TCTN2: variants seen among roughly 807,000 people sequenced by gnomAD.
The protein encoded by TCTN2 is tectonic-2.
In TCTN2, 66 loss-of-function variants were observed where a neutral mutation model predicts 83.4. That is an observed-to-expected ratio of 0.79 (90% CI 0.65 to 0.97). TCTN2 has a LOEUF of 0.97. Ranked by LOEUF, TCTN2 falls within the 50% of genes least tolerant of loss-of-function variation. The probability of loss-of-function intolerance (pLI) is 0.00; values close to 1 mark genes in which losing one functional copy is unlikely to be tolerated. For synonymous variants in TCTN2, 301 were observed against 326.7 expected (o/e 0.92, Z 0.85); for missense variants, 794 against 858.1 (o/e 0.93, Z 0.93).
In TCTN2 at chr12:123,708,003, C is replaced by T. The variant is rs886531596; in HGVS notation, c.*290C>T. 14 of 328,654 alleles carry T rather than the reference C, an allele frequency of 4.3e-5. No individual in the cohort carries two copies. Among genetic ancestry groups the T allele is most frequent in the South Asian group, 7.0e-5 (2 of 28,558 alleles). 20.4% of individuals were successfully genotyped at this position (328,654 alleles called of 1,614,324 possible). A position where few individuals can be genotyped will look rare whatever the true frequency, so the allele number is the denominator to read the frequency against. The stretch of plus-strand genomic sequence containing the variant: ...GATTACAGGCATGAGCCACCGCACC[C>T]GGCCTTTTTTTTTTTTTTTTTTTTT... On this transcript the variant is annotated 3_prime_UTR_variant, in exon 18 of 18. Coordinates refer to ENST00000303372, the MANE Select transcript of TCTN2 (RefSeq NM_024809.5).
intron 4 of TCTN2, among the ~76,000 whole-genome samples, chr12:123,677,751 TC>T: frequency 6.6e-6 from 1 of 152,166 alleles, no homozygotes; most frequent in South Asian, 2.1e-4. Flanking sequence ...CCCTCTGTCT[TC>T]CACCTACAGC....
At chr12:123,700,120 T>A in intron 14 of TCTN2, 1 of 444,766 alleles carries the variant, frequency 2.2e-6, no homozygotes, top group Admixed American at 3.4e-5. Flanking sequence ...CAAGGGATCC[T>A]CCCGCCTCAG....
intron 15 of TCTN2, 141 bp downstream of exon 15, chr12:123,704,829 A>G (rs1481471451): frequency 2.3e-6 from 2 of 884,082 alleles, no homozygotes; most frequent in African/African-American, 1.7e-5. Context: ...ATATGCACAT[A>G]TGGAATATGT....
intron 4 of TCTN2, among the ~76,000 whole-genome samples, chr12:123,674,655 A>G (rs1422636154): frequency 1.3e-5 from 2 of 152,138 alleles, no homozygotes; most frequent in Admixed American, 1.3e-4. Context: ...GTGCTTTGGG[A>G]GGCCAAGGCG....
intron 16 of TCTN2, 36 bp from the exon 17 acceptor site, chr12:123,706,949 C>T (rs1334301724): frequency 1.2e-6 from 2 of 1,612,966 alleles, no homozygotes; most frequent in African/African-American, 2.7e-5. Context: ...ATACTTCTCA[C>T]TTGTAGTTTT....
At chr12:123,673,931 A>G (rs1362689087) in intron 4 of TCTN2, 121 bp downstream of exon 4, 7 of 889,430 alleles carry the variant, frequency 7.9e-6, no homozygotes, top group Non-Finnish European at 1.3e-5. Context: ...CGGGAGGTTA[A>G]TGCTACAAAT....
At chr12:123,685,193 A>G (rs536316834) in intron 5 of TCTN2, among the ~76,000 whole-genome samples, 19 of 152,136 alleles carry the variant, frequency 1.2e-4, no homozygotes, top group African/African-American at 4.3e-4. Flanking sequence ...GCTGTGTGCT[A>G]CAGTACCAGC....
At chr12:123,676,296 C>T (rs1014642514) in intron 4 of TCTN2, among the ~76,000 whole-genome samples, 5 of 150,932 alleles carry the variant, frequency 3.3e-5, no homozygotes, top group Admixed American at 2.0e-4. Context: ...AGACCGGGCG[C>T]GGTGGCTCAC....
At position 123,704,669 on chromosome 12, in the gene TCTN2, A is replaced by C; in HGVS notation, c.1750A>C (p.Ile584Leu). Residue 584 changes from isoleucine (I) to leucine (L), a missense_variant, in exon 15 of 18, where the codon ATA becomes CTA. By Grantham distance (5) the Ile-to-Leu change is conservative. Coordinates refer to ENST00000303372, the MANE Select transcript of TCTN2 (RefSeq NM_024809.5). ...GGTGGAAGGGATTACTCAGCAGGAG[A>C]TACTCGGTGTAGAGACAAGGTATGA... Reference protein sequence around the residue: ...GAVEGITQQEILGVETRFSSV... With the variant: ...GAVEGITQQELLGVETRFSSV... 6.2e-7 allele frequency: 1 copy of C among 1,613,476 alleles called. No individual in the cohort carries two copies. The highest frequency in any genetic ancestry group is 1.1e-5 in the South Asian group (1 of 91,050).
intron 4 of TCTN2, 98 bp downstream of exon 4, chr12:123,673,908 TAAATGAGCTGCCCGGGAGGTTAATGCTAC>T: frequency 8.5e-7 from 1 of 1,171,652 alleles, no homozygotes; most frequent in South Asian, 1.3e-5. Flanking sequence ...GTTGATGCTA[TAAATGAGCTGCCCGGGAGGTTAATGCTAC>T]AAATGAGCTG....
chr12:123,696,753 C>G, intron 12 of TCTN2: 1 of 542,872 alleles, frequency 1.8e-6, no homozygotes, highest in Non-Finnish European at 3.3e-6. Context: ...GCTTGAGAGT[C>G]CCATGTTATT....
At chr12:123,700,038 G>T (rs983747992) in intron 14 of TCTN2, 5 of 585,446 alleles carry the variant, frequency 8.5e-6, no homozygotes, top group Admixed American at 8.0e-5. Context: ...TTGAGACAGG[G>T]TTTCATTCTG....
chr12:123,697,538 C>T (rs1294056943), intron 13 of TCTN2, among the ~76,000 whole-genome samples: 1 of 152,136 alleles, frequency 6.6e-6, no homozygotes, highest in African/African-American at 2.4e-5. Context: ...CTCACTTTGT[C>T]ACCTAGGCTG....
Position 123,671,633 on chromosome 12 carries a change from T to C in TCTN2, c.190+19T>C. Reference sequence around the variant, plus strand: ...GAGGCGGGTAAAGTCCGGCCCTCTTTTGGGGAGGGTGGGGGTTGGACTGGA... The same window carrying C: ...GAGGCGGGTAAAGTCCGGCCCTCTTCTGGGGAGGGTGGGGGTTGGACTGGA... On this transcript the variant is annotated intron_variant, in intron 2 of 17. Coordinates refer to ENST00000303372, the MANE Select transcript of TCTN2 (RefSeq NM_024809.5). The C allele has an allele frequency of 6.2e-7, 1 of 1,602,676 alleles. No homozygotes were observed. Among genetic ancestry groups the C allele is most frequent in the Non-Finnish European group, 8.5e-7 (1 of 1,175,042 alleles).
At chr12:123,698,112 A>G (rs7397230) in intron 13 of TCTN2, among the ~76,000 whole-genome samples, 54,470 of 151,586 alleles carry the variant, frequency 0.36, 10,251 homozygotes, top group African/African-American at 0.41. Flanking sequence ...GCATAATCTC[A>G]GCTCACTGCA....
At position 123,691,232 on chromosome 12, in the gene TCTN2, C is replaced by T. The variant is rs75233839; in HGVS notation, c.1033+558C>T. ...AGTACCTTCCACACTGTTGTGCCAC[C>T]ATCACCTCTCTCTAGTTCCAGAACG... On this transcript the variant is annotated intron_variant, in intron 8 of 17. Transcript: ENST00000303372. Among the ~76,000 whole-genome samples, 520 of 152,230 alleles carry T rather than the reference C, an allele frequency of 3.4e-3. 2 individuals carry two copies. Among genetic ancestry groups the T allele is most frequent in the African/African-American group, 0.012 (506 of 41,536 alleles).
In TCTN2 at chr12:123,707,679, A is replaced by G; in HGVS notation, c.2060A>G (p.Asn687Ser). ...LFLTLALFLSNPWTRICKAYS is the reference protein window; with the variant it reads ...LFLTLALFLSSPWTRICKAYS Reference sequence around the variant, plus strand: ...CTCACATTGGCCTTGTTCCTCAGCAACCCCTGGACCAGAATATGCAAAGCC... The same window carrying G: ...CTCACATTGGCCTTGTTCCTCAGCAGCCCCTGGACCAGAATATGCAAAGCC... Residue 687 changes from asparagine (N) to serine (S), a missense_variant, in exon 18 of 18, where the codon AAC becomes AGC. Transcript: ENST00000303372. 1 of 1,613,916 alleles carries G rather than the reference A, an allele frequency of 6.2e-7. No individual in the cohort carries two copies.
intron 4 of TCTN2, among the ~76,000 whole-genome samples, chr12:123,675,023 G>A (rs758276331): frequency 6.6e-6 from 1 of 152,010 alleles, no homozygotes; most frequent in Non-Finnish European, 1.5e-5. Flanking sequence ...GGCTACTGGC[G>A]TGCACCACCA....
At chr12:123,685,362 C>T (rs1955951761) in intron 5 of TCTN2, among the ~76,000 whole-genome samples, 1 of 152,226 alleles carries the variant, frequency 6.6e-6, no homozygotes, top group Non-Finnish European at 1.5e-5. Context: ...CGTAATTTAA[C>T]TTACAGCTCT....
Sources: gnomAD v4.1 joint callset for allele counts (sites outside exome capture counted in the v4.1 genomes callset) on GRCh38, gnomAD v4.1.1 for gene constraint, MANE v1.5 for transcripts, NCBI Gene and HGNC (gene_info 2026-07-23, HGNC 2026-07-21) for gene names.